Variants in ERCC6L2 observed in about 807,000 individuals in gnomAD.
ERCC6L2 encodes the protein DNA excision repair protein ERCC-6-like 2.
A neutral mutation model predicts 132.0 loss-of-function variants in ERCC6L2; 77 were observed. The ratio of observed to expected loss-of-function variants is 0.58; its 90% CI spans 0.49 to 0.71. The LOEUF is 0.71. Ranked by LOEUF, ERCC6L2 falls within the 30% of genes least tolerant of loss-of-function variation. The probability of loss-of-function intolerance (pLI) is 0.00; values close to 1 mark genes in which losing one functional copy is unlikely to be tolerated. For synonymous variants in ERCC6L2, 583 were observed against 632.4 expected, an observed-to-expected ratio of 0.92 and a Z score of 1.17; for missense variants, 1,542 against 1,837.6, an observed-to-expected ratio of 0.84 and a Z score of 2.94.
chr9:96,034,047 G>T (rs1834492236), intron 19 of ERCC6L2, among the ~76,000 whole-genome samples: 1 of 152,248 alleles, frequency 6.6e-6, no homozygotes, highest in Non-Finnish European at 1.5e-5. Context: ...CGGTCACTGG[G>T]AAACCCATCA....
chr9:95,970,784 T>A, intron 15 of ERCC6L2, 128 bp downstream of exon 15: 1 of 481,058 alleles, frequency 2.1e-6, no homozygotes, highest in Non-Finnish European at 3.3e-6. Flanking sequence ...GGACACAAAG[T>A]CAGAGGACTA....
chr9:95,997,698 T>G (rs1833517502), intron 17 of ERCC6L2, among the ~76,000 whole-genome samples: 1 of 152,228 alleles, frequency 6.6e-6, no homozygotes, highest in South Asian at 2.1e-4. Context: ...AAATTCCTAT[T>G]CCAAATCATT....
chr9:96,037,043 G>T (rs1252062785), intron 19 of ERCC6L2, among the ~76,000 whole-genome samples: 1 of 152,136 alleles, frequency 6.6e-6, no homozygotes, highest in African/African-American at 2.4e-5. Flanking sequence ...TGGGATTACA[G>T]GCGTGAGCCA....
chr9:95,970,506 G>C (rs1296290328), intron 14 of ERCC6L2, 70 bp from the exon 15 acceptor site: 2 of 911,356 alleles, frequency 2.2e-6, no homozygotes, highest in South Asian at 1.8e-5. Flanking sequence ...ATGCATTGCT[G>C]TTGTTTATCT....
chr9:95,943,756 T>A (rs192479149), intron 12 of ERCC6L2, among the ~76,000 whole-genome samples: 2 of 152,300 alleles, frequency 1.3e-5, no homozygotes, highest in Admixed American at 6.5e-5. Context: ...GAAGAGATGC[T>A]CAGCATCACT....
chr9:95,937,296 A>G (rs754303001), intron 11 of ERCC6L2, among the ~76,000 whole-genome samples: 168 of 151,872 alleles, frequency 1.1e-3, no homozygotes, highest in Non-Finnish European at 1.8e-3. Context: ...TATCGTCACT[A>G]TTTTTTTCAT....
intron 11 of ERCC6L2, among the ~76,000 whole-genome samples, chr9:95,932,022 C>T (rs1032925878): frequency 2.0e-5 from 3 of 150,632 alleles, no homozygotes; most frequent in Non-Finnish European, 4.4e-5. Flanking sequence ...TCTTTTTGCT[C>T]TGTTCTGAGA....
At chr9:95,881,770 C>T (rs1189983995) in intron 2 of ERCC6L2, among the ~76,000 whole-genome samples, 1 of 152,202 alleles carries the variant, frequency 6.6e-6, no homozygotes, top group Non-Finnish European at 1.5e-5. Flanking sequence ...AGAGAGACTT[C>T]AAGATTCCCT....
chr9:95,958,830 G>A (rs1233098608), intron 13 of ERCC6L2, among the ~76,000 whole-genome samples: 3 of 152,052 alleles, frequency 2.0e-5, no homozygotes, highest in Non-Finnish European at 2.9e-5. Context: ...GGGACGTGAA[G>A]GACCTCTTCA....
At chr9:95,907,411 C>A in intron 4 of ERCC6L2, 140 bp downstream of exon 4, 1 of 643,046 alleles carries the variant, frequency 1.6e-6, no homozygotes, top group South Asian at 2.7e-5. Context: ...CGCCACGTTG[C>A]CCAGGCTGGT....
chr9:95,893,511 G>T (rs690495), intron 2 of ERCC6L2, among the ~76,000 whole-genome samples: 40,811 of 152,002 alleles, frequency 0.27, 5,994 homozygotes, highest in East Asian at 0.4. Context: ...CCCTGAAAGG[G>T]TCTGTTACAG....
At chr9:95,950,872 T>C (rs75639950) in intron 12 of ERCC6L2, among the ~76,000 whole-genome samples, 2,170 of 152,248 alleles carry the variant, frequency 0.014, 48 homozygotes, top group African/African-American at 0.049. Context: ...AGCTCTGCAA[T>C]AATAATGGGA....
At chr9:96,028,569 G>T (rs961045784) in intron 19 of ERCC6L2, among the ~76,000 whole-genome samples, 1 of 152,150 alleles carries the variant, frequency 6.6e-6, no homozygotes, top group Non-Finnish European at 1.5e-5. Flanking sequence ...CAGAGAGGTT[G>T]TCCTCGAGTT....
chr9:95,962,916 A>G (rs1831979393), intron 13 of ERCC6L2, among the ~76,000 whole-genome samples: 1 of 152,182 alleles, frequency 6.6e-6, no homozygotes, highest in South Asian at 2.1e-4. Context: ...ATTGAAAGAT[A>G]CCTAGAAGGA....
chr9:95,890,169 T>G (rs1828084186), intron 2 of ERCC6L2, among the ~76,000 whole-genome samples: 1 of 152,182 alleles, frequency 6.6e-6, no homozygotes, highest in Non-Finnish European at 1.5e-5. Context: ...CATCTAGAAA[T>G]AGCCTTTCAC....
At chr9:95,986,668 T>C (rs1833108491) in intron 17 of ERCC6L2, among the ~76,000 whole-genome samples, 1 of 152,014 alleles carries the variant, frequency 6.6e-6, no homozygotes, top group Non-Finnish European at 1.5e-5. Context: ...GGCTAATTTT[T>C]GTATTTTTAG....
chr9:96,036,977 G>T (rs953745044), intron 19 of ERCC6L2, among the ~76,000 whole-genome samples: 20 of 151,210 alleles, frequency 1.3e-4, no homozygotes, highest in African/African-American at 4.8e-4. Context: ...CGTTTTAGCC[G>T]GGATGGTCTC....
intron 11 of ERCC6L2, among the ~76,000 whole-genome samples, chr9:95,936,366 A>G (rs1470361789): frequency 6.6e-6 from 1 of 152,132 alleles, no homozygotes; most frequent in African/African-American, 2.4e-5. Context: ...TTCCTTTTGG[A>G]GAGAGAACAT....
At chr9:95,891,608 G>C (rs957458217) in intron 2 of ERCC6L2, among the ~76,000 whole-genome samples, 1 of 146,538 alleles carries the variant, frequency 6.8e-6, no homozygotes, top group African/African-American at 2.5e-5. Flanking sequence ...TTTTTTTTTC[G>C]AGGAACTGCA....
Sources: allele counts gnomAD v4.1 joint callset (sites outside exome capture counted in the v4.1 genomes callset), GRCh38; gene constraint gnomAD v4.1.1; transcripts MANE v1.5; gene names NCBI Gene and HGNC (gene_info 2026-07-23, HGNC 2026-07-21).